The following EML5 variants were observed in gnomAD, a reference collection of about 807,000 sequenced individuals.
The protein encoded by EML5 is echinoderm microtubule-associated protein-like 5.
EML5 carries 120 observed loss-of-function variants against 250.0 expected under a neutral mutation model. The observed-to-expected ratio is 0.48, with a 90% CI of 0.41 to 0.56. The LOEUF is 0.56. Among genes scored for constraint, EML5 ranks in the 20% least tolerant of loss-of-function variants. The pLI is 0.00. For missense variants in EML5, 2,006 were observed against 2,437.6 expected, an observed-to-expected ratio of 0.82 and a Z score of 3.73; for synonymous variants, 771 against 806.5, an observed-to-expected ratio of 0.96 and a Z score of 0.75.
chr14:88,774,444 A>G (rs2094428733), intron 1 of EML5, among the ~76,000 whole-genome samples: 1 of 152,230 alleles, frequency 6.6e-6, no homozygotes, highest in African/African-American at 2.4e-5. Context: ...TTGTGTACCA[A>G]TAATGACATG....
At chr14:88,646,318 A>G (rs529256613) in intron 29 of EML5, among the ~76,000 whole-genome samples, 63 of 152,340 alleles carry the variant, frequency 4.1e-4, no homozygotes, top group Non-Finnish European at 1.9e-4. Context: ...ATATATAAGC[A>G]TGACTGGTGT....
intron 20 of EML5, among the ~76,000 whole-genome samples, chr14:88,682,582 C>T (rs778433263): frequency 7.2e-5 from 11 of 152,092 alleles, no homozygotes; most frequent in Admixed American, 1.3e-4. Context: ...TTGGAAACTC[C>T]GAGACTGATG....
chr14:88,704,488 T>G (rs903767561), intron 13 of EML5, among the ~76,000 whole-genome samples: 2 of 152,104 alleles, frequency 1.3e-5, no homozygotes, highest in African/African-American at 4.8e-5. Flanking sequence ...TACTATTATC[T>G]CCATTTTACA....
chr14:88,791,918 GT>G lies in EML5; in HGVS notation c.197+388del, dbSNP rs753208990. Reference sequence around the variant, plus strand: ...CCATCAGTCCTTTATTAGGTAAAGGGTTTCCCCCCACCCCGGGTGCTTTAAG... The same window carrying G: ...CCATCAGTCCTTTATTAGGTAAAGGGTTCCCCCCACCCCGGGTGCTTTAAG... On this transcript the variant is annotated intron_variant, in intron 1 of 43. Transcript: ENST00000554922. Among the ~76,000 whole-genome samples the G allele has an allele frequency of 1.5e-4, 23 of 152,304 alleles. No individual in the cohort carries two copies. In the East Asian group the frequency reaches 2.9e-3, roughly 19 times the overall value.
intron 1 of EML5, among the ~76,000 whole-genome samples, chr14:88,791,177 CAGA>C (rs1267452202): frequency 6.6e-6 from 1 of 152,182 alleles, no homozygotes; most frequent in Non-Finnish European, 1.5e-5. Context: ...AGACGCAAAA[CAGA>C]AGAACAACTT....
At chr14:88,660,388 G>A (rs2092042896) in intron 25 of EML5, among the ~76,000 whole-genome samples, 1 of 152,042 alleles carries the variant, frequency 6.6e-6, no homozygotes, top group Admixed American at 6.6e-5. Context: ...TTGAACAGAG[G>A]GAAGTGATAA....
intron 27 of EML5, among the ~76,000 whole-genome samples, chr14:88,652,441 C>T (rs1053638917): frequency 6.6e-6 from 1 of 152,044 alleles, no homozygotes; most frequent in African/African-American, 2.4e-5. Flanking sequence ...TCCCTTTCCC[C>T]GAATATAAAA....
intron 41 of EML5, 96 bp from the exon 42 acceptor site, chr14:88,616,975 A>G: frequency 8.7e-7 from 1 of 1,143,504 alleles, no homozygotes; most frequent in Non-Finnish European, 1.2e-6. Flanking sequence ...TAAGTACCCT[A>G]TCATGTTACT....
intron 28 of EML5, 150 bp downstream of exon 28, chr14:88,649,762 T>G (rs756830885): frequency 2.5e-5 from 15 of 607,328 alleles, no homozygotes; most frequent in Non-Finnish European, 4.1e-5. Flanking sequence ...AATGCAACTC[T>G]TTTATAGAAT....
intron 8 of EML5, among the ~76,000 whole-genome samples, chr14:88,723,642 G>A (rs1310764817): frequency 6.6e-6 from 1 of 152,162 alleles, no homozygotes; most frequent in African/African-American, 2.4e-5. Flanking sequence ...TGATGGATAT[G>A]TTAACTAGCT....
At chr14:88,752,862 G>A (rs1161632803) in intron 2 of EML5, among the ~76,000 whole-genome samples, 1 of 152,126 alleles carries the variant, frequency 6.6e-6, no homozygotes, top group Non-Finnish European at 1.5e-5. Context: ...GAGGAGTTTG[G>A]CCCAGGATGG....
At chr14:88,737,759 A>T (rs867515239) in intron 6 of EML5, among the ~76,000 whole-genome samples, 1 of 151,752 alleles carries the variant, frequency 6.6e-6, no homozygotes, top group Non-Finnish European at 1.5e-5. Context: ...CAAGACATGT[A>T]CTCTTCTTCC....
At chr14:88,785,856 A>G (rs2094545926) in intron 1 of EML5, among the ~76,000 whole-genome samples, 1 of 152,182 alleles carries the variant, frequency 6.6e-6, no homozygotes, top group African/African-American at 2.4e-5. Flanking sequence ...TAGGAGCCAG[A>G]GTGACTTTGT....
At chr14:88,670,174 A>G (rs1244398257) in intron 21 of EML5, among the ~76,000 whole-genome samples, 1 of 151,742 alleles carries the variant, frequency 6.6e-6, no homozygotes, top group Non-Finnish European at 1.5e-5. Flanking sequence ...AAAAAAAATT[A>G]GCTGGGTGTG....
At chr14:88,738,556 T>C (rs887832544) in intron 6 of EML5, among the ~76,000 whole-genome samples, 2 of 152,170 alleles carry the variant, frequency 1.3e-5, no homozygotes, top group Non-Finnish European at 2.9e-5. Context: ...GTTTGTTAAA[T>C]AGTTATATTT....
At chr14:88,748,558 C>G (rs902590919) in intron 2 of EML5, among the ~76,000 whole-genome samples, 3 of 152,090 alleles carry the variant, frequency 2.0e-5, no homozygotes, top group African/African-American at 7.2e-5. Context: ...TGTCCATATA[C>G]TTTAAAAGGA....
At chr14:88,628,268 G>A (rs1222131279) in intron 33 of EML5, among the ~76,000 whole-genome samples, 2 of 152,006 alleles carry the variant, frequency 1.3e-5, no homozygotes, top group African/African-American at 2.4e-5. Context: ...AATAGACAAA[G>A]GCAGTAGATA....
Position 88,627,757 on chromosome 14 carries a change from A to T in EML5, c.4420T>A (p.Cys1474Ser). The change falls in exon 34 of 44, where the codon TGC becomes AGC. Residue 1474 changes from cysteine to serine, a missense_variant. This residue lies in a region of EML5 where 1,375 missense variants were observed against 1,590.3 expected (regional missense o/e 0.86). Transcript: ENST00000554922. ...GAACATACTCCCTTTGAATGGTAGC[A>T]TCTTAGGATAGATAAAGTCTGCTTG... is the stretch of plus-strand genomic sequence containing the variant. ...MNKQTLSILRCYHSKGVCSVS... is the reference protein window; with the variant it reads ...MNKQTLSILRSYHSKGVCSVS... 1 of 1,612,012 alleles carries T rather than the reference A, an allele frequency of 6.2e-7. No individual in the cohort carries two copies. Among genetic ancestry groups the T allele is most frequent in the Non-Finnish European group, 8.5e-7 (1 of 1,179,044 alleles).
chr14:88,638,231 C>G (rs2090849676), intron 32 of EML5, among the ~76,000 whole-genome samples: 1 of 152,152 alleles, frequency 6.6e-6, no homozygotes, highest in African/African-American at 2.4e-5. Flanking sequence ...ATCAGTTTGG[C>G]TGTAGAGTTA....
Sources: allele counts gnomAD v4.1 joint callset (sites outside exome capture counted in the v4.1 genomes callset), GRCh38; gene constraint gnomAD v4.1.1; regional missense constraint gnomAD v4.1.1; transcripts MANE v1.5; gene names NCBI Gene and HGNC (gene_info 2026-07-23, HGNC 2026-07-21).